The following PALS2 variants were observed in gnomAD, a reference collection of about 807,000 sequenced individuals.
PALS2 encodes protein associated with LIN7 2, MAGUK p55 family member.
A neutral mutation model predicts 61.6 loss-of-function variants in PALS2; 27 were observed. The observed-to-expected ratio is 0.44, with a 90% CI of 0.32 to 0.60. The LOEUF (loss-of-function observed/expected upper bound fraction) is 0.60. Ranked by LOEUF, PALS2 falls within the 20% of genes least tolerant of loss-of-function variation. The probability of loss-of-function intolerance (pLI) is 0.05; values close to 1 mark genes in which losing one functional copy is unlikely to be tolerated. For missense variants in PALS2, 554 were observed against 639.4 expected (o/e 0.87, Z 1.44); for synonymous variants, 236 against 218.6 (o/e 1.08, Z -0.70).
chr7:24,646,157 C>G (rs946096318), intron 3 of PALS2, among the ~76,000 whole-genome samples: 2 of 151,932 alleles, frequency 1.3e-5, no homozygotes, highest in African/African-American at 4.8e-5. Flanking sequence ...TTTCTCTTGC[C>G]TGATTGCTCT....
chr7:24,576,910 A>G (rs1782662530), intron 1 of PALS2, among the ~76,000 whole-genome samples: 1 of 152,194 alleles, frequency 6.6e-6, no homozygotes, highest in Admixed American at 6.5e-5. Flanking sequence ...AAAGCCCACA[A>G]CTTTGTTAAC....
chr7:24,646,147 T>C (rs1785820618), intron 3 of PALS2, among the ~76,000 whole-genome samples: 1 of 152,058 alleles, frequency 6.6e-6, no homozygotes, highest in African/African-American at 2.4e-5. Flanking sequence ...CCTGTATTTG[T>C]TTCTCTTGCC....
At chr7:24,646,106 A>C (rs1785818442) in intron 3 of PALS2, among the ~76,000 whole-genome samples, 1 of 152,062 alleles carries the variant, frequency 6.6e-6, no homozygotes, top group Non-Finnish European at 1.5e-5. Flanking sequence ...AAACAGAAAT[A>C]GTTTGTCTTC....
intron 6 of PALS2, among the ~76,000 whole-genome samples, chr7:24,664,489 A>G (rs917267674): frequency 3.9e-5 from 6 of 152,146 alleles, no homozygotes; most frequent in African/African-American, 1.4e-4. Context: ...AGTTTTACTA[A>G]AGAACAAGGA....
intron 2 of PALS2, among the ~76,000 whole-genome samples, chr7:24,639,811 CTAAT>C (rs1785426335): frequency 8.0e-6 from 1 of 124,452 alleles, no homozygotes; most frequent in Non-Finnish European, 1.7e-5. Context: ...ATTTTCTAGT[CTAAT>C]TTTTTTTTTT....
intron 3 of PALS2, 25 bp from the exon 4 acceptor site, chr7:24,649,587 C>A: frequency 2.0e-6 from 3 of 1,514,796 alleles, no homozygotes; most frequent in African/African-American, 1.4e-5. Context: ...CATAAATAAC[C>A]ACAGGCTATT....
intron 11 of PALS2, among the ~76,000 whole-genome samples, chr7:24,685,219 AAAT>A (rs1474547651): frequency 6.6e-6 from 1 of 152,132 alleles, no homozygotes; most frequent in African/African-American, 2.4e-5. Context: ...AAAGCCACTG[AAAT>A]AATTCCTTGC....
chr7:24,674,933 G>A (rs1365688208), intron 9 of PALS2, among the ~76,000 whole-genome samples: 1 of 152,114 alleles, frequency 6.6e-6, no homozygotes, highest in Non-Finnish European at 1.5e-5. Context: ...CTAAAATTGA[G>A]AATTTTGCCT....
chr7:24,663,874 C>CA (rs1786871807), intron 6 of PALS2, among the ~76,000 whole-genome samples, 153 bp downstream of exon 6: 1 of 152,134 alleles, frequency 6.6e-6, no homozygotes, highest in African/African-American at 2.4e-5. Context: ...ATTTTGTGGA[C>CA]ATAAGATCAA....
intron 1 of PALS2, among the ~76,000 whole-genome samples, chr7:24,592,208 AAC>A (rs1428796565): frequency 6.6e-6 from 1 of 152,160 alleles, no homozygotes; most frequent in African/African-American, 2.4e-5. Context: ...CAAATTCGCA[AAC>A]ACAGAATAAT....
At chr7:24,583,671 T>A (rs951641503) in intron 1 of PALS2, among the ~76,000 whole-genome samples, 21 of 151,502 alleles carry the variant, frequency 1.4e-4, no homozygotes, top group African/African-American at 5.1e-4. Context: ...AATTTTTTTT[T>A]TTATTATACT....
intron 1 of PALS2, among the ~76,000 whole-genome samples, chr7:24,578,112 A>T (rs74368912): frequency 6.8e-6 from 1 of 146,558 alleles, no homozygotes. Context: ...CGAGCTAATT[A>T]AAAAAAAAAA....
chr7:24,652,975 A>G (rs946573899), intron 5 of PALS2, among the ~76,000 whole-genome samples: 12 of 152,316 alleles, frequency 7.9e-5, no homozygotes, highest in African/African-American at 2.4e-4. Context: ...AAGTTCTTCA[A>G]CTTTCTTATA....
intron 1 of PALS2, among the ~76,000 whole-genome samples, chr7:24,598,249 T>C (rs1252438135): frequency 6.6e-6 from 1 of 152,220 alleles, no homozygotes; most frequent in East Asian, 1.9e-4. Context: ...TTCTACAACA[T>C]TTGAAACAGG....
At chr7:24,673,117 C>T (rs547324288) in intron 9 of PALS2, among the ~76,000 whole-genome samples, 3 of 152,144 alleles carry the variant, frequency 2.0e-5, no homozygotes, top group African/African-American at 7.2e-5. Context: ...AGAAAGGGTA[C>T]TAGATCTTGC....
At chr7:24,577,563 T>G (rs1325937640) in intron 1 of PALS2, among the ~76,000 whole-genome samples, 2 of 152,160 alleles carry the variant, frequency 1.3e-5, no homozygotes, top group Non-Finnish European at 2.9e-5. Context: ...TATCATTTCT[T>G]TACCCTCTTC....
chr7:24,614,510 G>A (rs998866086), intron 1 of PALS2, among the ~76,000 whole-genome samples: 1 of 151,572 alleles, frequency 6.6e-6, no homozygotes, highest in African/African-American at 2.4e-5. Flanking sequence ...AGAGAGACAA[G>A]GACATTGTAG....
At chr7:24,632,257 G>T (rs1583908049) in intron 2 of PALS2, among the ~76,000 whole-genome samples, 1 of 152,220 alleles carries the variant, frequency 6.6e-6, no homozygotes, top group East Asian at 1.9e-4. Context: ...AATTAATATA[G>T]CTACTCCAGT....
At chr7:24,659,882 T>C (rs530901624) in intron 5 of PALS2, among the ~76,000 whole-genome samples, 75 of 152,292 alleles carry the variant, frequency 4.9e-4, no homozygotes, top group Non-Finnish European at 9.3e-4. Context: ...GTGCAGCCTT[T>C]CCTCACTGAT....
Sources: gnomAD v4.1 joint callset for allele counts (sites outside exome capture counted in the v4.1 genomes callset) on GRCh38, gnomAD v4.1.1 for gene constraint, MANE v1.5 for transcripts, NCBI Gene and HGNC (gene_info 2026-07-23, HGNC 2026-07-21) for gene names.